The following SLC6A4 variants were observed in gnomAD, a reference collection of about 807,000 sequenced individuals.
SLC6A4 encodes the protein sodium-dependent serotonin transporter.
SLC6A4 carries 22 observed loss-of-function variants against 73.4 expected under a neutral mutation model. The ratio of observed to expected loss-of-function variants is 0.30; its 90% CI spans 0.21 to 0.43. The LOEUF is 0.43. SLC6A4 is among the 20% of genes least tolerant of loss of function. The pLI, the probability that SLC6A4 is intolerant of heterozygous loss-of-function variation, is 1.00. For synonymous variants in SLC6A4, 270 were observed against 315.5 expected (o/e 0.86, Z 1.53); for missense variants, 593 against 808.5 (o/e 0.73, Z 3.23).
intron 8 of SLC6A4, among the ~76,000 whole-genome samples, chr17:30,213,732 G>A (rs1361576746): frequency 2.1e-5 from 2 of 96,514 alleles, no homozygotes; most frequent in African/African-American, 6.9e-5. Flanking sequence ...GATGATGGGT[G>A]ACATTTATTT....
rs569934099 is a variant in SLC6A4 at position 30,222,305 on chromosome 17, T to C, written c.-123-224A>G. Among the ~76,000 whole-genome samples, 57 of 152,192 alleles carry C rather than the reference T, an allele frequency of 3.7e-4. 1 individual carries two copies. The South Asian group carries it at 0.011, about 29-fold the overall frequency. ...ATCAAGTAATTTCAAAAGGAAACAA[T>C]AAAACCAACACAAATAGACAGCAAA... On this transcript the variant is annotated intron_variant, in intron 2 of 14. Transcript: ENST00000650711.
At chr17:30,231,325 A>AGTGTG (rs1305360004) in intron 1 of SLC6A4, among the ~76,000 whole-genome samples, 5 of 151,158 alleles carry the variant, frequency 3.3e-5, no homozygotes, top group East Asian at 1.9e-4. Context: ...AGATATATAT[A>AGTGTG]TACACACTAT....
At chr17:30,205,620 G>A (rs540456206) in intron 13 of SLC6A4, among the ~76,000 whole-genome samples, 131 of 152,272 alleles carry the variant, frequency 8.6e-4, no homozygotes, top group Middle Eastern at 3.4e-3. Context: ...AAGGAGCTCC[G>A]AGGCCAACAT....
At chr17:30,209,643 C>CAA (rs113621056) in intron 11 of SLC6A4, among the ~76,000 whole-genome samples, 3 of 57,632 alleles carry the variant, frequency 5.2e-5, no homozygotes, top group East Asian at 4.9e-4. Flanking sequence ...AGACTCTGTC[C>CAA]AAAAAAAAAA....
chr17:30,230,340 G>C (rs1181592661), intron 1 of SLC6A4, among the ~76,000 whole-genome samples: 2 of 152,342 alleles, frequency 1.3e-5, no homozygotes, highest in East Asian at 3.9e-4. Flanking sequence ...ATCAGGATTA[G>C]GAGTGTCACT....
intron 1 of SLC6A4, among the ~76,000 whole-genome samples, chr17:30,231,929 G>A (rs2143016685): frequency 6.6e-6 from 1 of 152,260 alleles, no homozygotes; most frequent in Non-Finnish European, 1.5e-5. Flanking sequence ...AAGTAGAAGA[G>A]ACTCAAGTTC....
At position 30,210,574 on chromosome 17, in the gene SLC6A4, G is replaced by T. The variant is rs201228840; in HGVS notation, c.1390C>A (p.Arg464=). 6.2e-7 allele frequency: 1 copy of T among 1,613,804 alleles called. No individual in the cohort carries two copies. Among genetic ancestry groups the T allele is most frequent in the African/African-American group, 1.3e-5 (1 of 74,972 alleles). The part of the protein sequence containing the change: ...FPHVWAKRRE[R]FVLAVVITCF... ...GTGATGACCACGGCGAGCACGAACC[G>T]CTCCCGGCGCTTGGCCCAGACGTGT... is the stretch of plus-strand genomic sequence containing the variant. Residue 464 remains arginine (R), a synonymous_variant, in exon 11 of 15, where the codon CGG becomes AGG. Coordinates refer to ENST00000650711, the MANE Select transcript of SLC6A4 (RefSeq NM_001045.6).
rs149349539 is a variant in SLC6A4, at chr17:30,208,840, C to T, written c.1549+303G>A. On this transcript the variant is annotated intron_variant, in intron 12 of 14. Coordinates refer to ENST00000650711, the MANE Select transcript of SLC6A4 (RefSeq NM_001045.6). Reference sequence around the variant, plus strand: ...CTGAGTAGCTGAGATTACAGGCTTGCGCCATCATGCCCGGCTAATTTTTTT... The same window carrying T: ...CTGAGTAGCTGAGATTACAGGCTTGTGCCATCATGCCCGGCTAATTTTTTT... Among the ~76,000 whole-genome samples the T allele has an allele frequency of 4.6e-3, 702 of 151,038 alleles. 3 individuals are homozygous for T. The highest frequency in any genetic ancestry group is 0.016 in the African/African-American group (658 of 41,216).
At chr17:30,204,623 C>T (rs1906134032) in intron 13 of SLC6A4, 1 of 152,174 alleles carries the variant, frequency 6.6e-6, no homozygotes, top group Non-Finnish European at 1.5e-5. Flanking sequence ...ACATCCTGGC[C>T]TCTACTCGTA....
chr17:30,209,385 T>C, intron 11 of SLC6A4, 143 bp from the exon 12 acceptor site: 1 of 593,852 alleles, frequency 1.7e-6, no homozygotes, highest in East Asian at 2.9e-5. Context: ...AGAAACTGCC[T>C]CTTAGGCCAG....
At chr17:30,212,104 C>T (rs1906405488) in intron 9 of SLC6A4, among the ~76,000 whole-genome samples, 1 of 152,064 alleles carries the variant, frequency 6.6e-6, no homozygotes, top group African/African-American at 2.4e-5. Flanking sequence ...TTTTCTTTTT[C>T]CACAAAAACT....
intron 1 of SLC6A4, among the ~76,000 whole-genome samples, chr17:30,230,364 A>G (rs1197305120): frequency 6.6e-6 from 1 of 152,050 alleles, no homozygotes; most frequent in East Asian, 1.9e-4. Context: ...CCTTCCAAAC[A>G]CTCCTTTACT....
At chr17:30,201,149 C>A (rs1327896097) in intron 14 of SLC6A4, among the ~76,000 whole-genome samples, 1 of 152,170 alleles carries the variant, frequency 6.6e-6, no homozygotes, top group East Asian at 1.9e-4. Flanking sequence ...TAAACTTTTT[C>A]TCCAGCAGTA....
At position 30,215,690 on chromosome 17, in the gene SLC6A4, T is replaced by C; in HGVS notation, c.997A>G (p.Ile333Val). 1 of 1,613,722 alleles carries C rather than the reference T, an allele frequency of 6.2e-7. No individual in the cohort carries two copies. Among genetic ancestry groups the C allele is most frequent in the Non-Finnish European group, 8.5e-7 (1 of 1,179,840 alleles). Residue 333 changes from isoleucine (I) to valine (V), a missense_variant, in exon 8 of 15, where the codon ATC becomes GTC. Coordinates refer to ENST00000650711, the MANE Select transcript of SLC6A4 (RefSeq NM_001045.6). ...AAGCCCGGACCAAGAGAGAAGAAGA[T>C]CTGAGCGGCTGCATCTATCCACACC... ...TGVWIDAAAQ[I>V]FFSLGPGFGV...
rs145821492 is a variant in SLC6A4 at position 30,195,720 on chromosome 17, C to T, written c.*2736G>A. 229 of 151,808 alleles carry T rather than the reference C, an allele frequency of 1.5e-3. No homozygotes were observed. Among genetic ancestry groups the T allele is most frequent in the African/African-American group, 5.2e-3 (213 of 41,350 alleles). The allele number at this position is 151,808 out of a possible 1,614,324, so 9.4% of individuals were successfully genotyped here. On this transcript the variant is annotated 3_prime_UTR_variant, in exon 15 of 15. Coordinates refer to ENST00000650711, the MANE Select transcript of SLC6A4 (RefSeq NM_001045.6). ...TATTATTATCATTAAAATTTAGAGA[C>T]AGTTAAGCAATGAAGTGGGGAAGGG...
At chr17:30,221,016 G>A (rs982301500) in intron 3 of SLC6A4, among the ~76,000 whole-genome samples, 17 of 134,864 alleles carry the variant, frequency 1.3e-4, no homozygotes, top group Admixed American at 3.4e-4. Flanking sequence ...TCGCTCTGTC[G>A]CCTAGGCTGG....
At chr17:30,232,891 G>A (rs1328286234) in intron 1 of SLC6A4, among the ~76,000 whole-genome samples, 1 of 152,200 alleles carries the variant, frequency 6.6e-6, no homozygotes, top group Non-Finnish European at 1.5e-5. Flanking sequence ...AGTCAGCACC[G>A]TGAGCTCCAC....
intron 8 of SLC6A4, among the ~76,000 whole-genome samples, chr17:30,214,286 G>A (rs952953038): frequency 2.0e-5 from 3 of 151,712 alleles, no homozygotes; most frequent in African/African-American, 7.3e-5. Flanking sequence ...GCCAGTCGTG[G>A]TGGCGCATGC....
At position 30,216,180 on chromosome 17, in the gene SLC6A4, G is replaced by T. The variant is rs770779030; in HGVS notation, c.874C>A (p.Leu292Ile). The T allele has an allele frequency of 1.2e-6, 2 of 1,612,614 alleles. No homozygotes were observed. The highest frequency in any genetic ancestry group is 1.7e-6 in the Non-Finnish European group (2 of 1,179,270). Residue 292 changes from leucine (L) to isoleucine (I), a missense_variant, in exon 7 of 15, where the codon CTT becomes ATT. Coordinates refer to ENST00000650711, the MANE Select transcript of SLC6A4 (RefSeq NM_001045.6). ...GCACCCCTCACCAGCAGGACAGAAA[G>T]GATGATATAAGGGAAGGTGGCTGTC... ...WVTATFPYIILSVLLVRGATL... is the reference protein window; with the variant it reads ...WVTATFPYIIISVLLVRGATL...
Sources: allele counts gnomAD v4.1 joint callset (sites outside exome capture counted in the v4.1 genomes callset), GRCh38; gene constraint gnomAD v4.1.1; transcripts MANE v1.5; gene names NCBI Gene and HGNC (gene_info 2026-07-23, HGNC 2026-07-21).